MAP1LC3B2: variants seen among roughly 807,000 people sequenced by gnomAD.
The protein encoded by MAP1LC3B2 is microtubule-associated protein 1 light chain 3 beta 2.
For synonymous variants in MAP1LC3B2, 62 were observed against 57.8 expected (o/e 1.07, Z -0.33); for missense variants, 155 against 154.6 (o/e 1.00, Z -0.01).
At chr12:116,573,177 A>G (rs1869583400) in intron 1 of MAP1LC3B2, among the ~76,000 whole-genome samples, 1 of 152,082 alleles carries the variant, frequency 6.6e-6, no homozygotes, top group Admixed American at 6.5e-5. Flanking sequence ...TCCCACCTTG[A>G]CCTCTTAAAG....
At chr12:116,563,302 A>G (rs1336010783) in intron 1 of MAP1LC3B2, among the ~76,000 whole-genome samples, 1 of 149,326 alleles carries the variant, frequency 6.7e-6, no homozygotes, top group African/African-American at 2.5e-5. Flanking sequence ...TCTACCGGTA[A>G]TAAATTCTAC....
At chr12:116,574,619 C>A (rs1250632608) in intron 1 of MAP1LC3B2, among the ~76,000 whole-genome samples, 1 of 151,442 alleles carries the variant, frequency 6.6e-6, no homozygotes, top group African/African-American at 2.4e-5. Context: ...GTGCTCCAGC[C>A]TGGGGGACAG....
intron 1 of MAP1LC3B2, among the ~76,000 whole-genome samples, chr12:116,565,387 G>A (rs945653894): frequency 4.6e-5 from 7 of 152,324 alleles, no homozygotes; most frequent in Middle Eastern, 3.4e-3. Flanking sequence ...AATGAGAAAC[G>A]AAGCGAAACG....
chr12:116,567,052 G>A (rs1280388844), intron 1 of MAP1LC3B2, among the ~76,000 whole-genome samples: 1 of 147,414 alleles, frequency 6.8e-6, no homozygotes, highest in Non-Finnish European at 1.5e-5. Context: ...CGGAAAGGAA[G>A]AGAAGGGAGA....
At chr12:116,567,827 C>T (rs1212126073) in intron 1 of MAP1LC3B2, among the ~76,000 whole-genome samples, 1 of 151,868 alleles carries the variant, frequency 6.6e-6, no homozygotes, top group Non-Finnish European at 1.5e-5. Flanking sequence ...AAAATGGAAC[C>T]CAAAACACTT....
At chr12:116,572,817 C>T (rs1252274195) in intron 1 of MAP1LC3B2, among the ~76,000 whole-genome samples, 1 of 152,226 alleles carries the variant, frequency 6.6e-6, no homozygotes, top group Non-Finnish European at 1.5e-5. Context: ...CAATGGTTCT[C>T]AAACTAAGTT....
At chr12:116,561,718 C>T (rs1363576689) in intron 1 of MAP1LC3B2, among the ~76,000 whole-genome samples, 1 of 152,208 alleles carries the variant, frequency 6.6e-6, no homozygotes, top group Admixed American at 6.5e-5. Flanking sequence ...GCTGTGTGGC[C>T]TGGGGTAAGG....
intron 1 of MAP1LC3B2, among the ~76,000 whole-genome samples, chr12:116,566,616 T>TAAAAAAA (rs58530141): frequency 3.3e-5 from 3 of 91,640 alleles, no homozygotes; most frequent in Non-Finnish European, 4.1e-5. Flanking sequence ...AGTCAGTGAT[T>TAAAAAAA]AAAAAAAAAA....
intron 1 of MAP1LC3B2, among the ~76,000 whole-genome samples, chr12:116,561,007 C>T (rs908887714): frequency 4.6e-5 from 7 of 152,206 alleles, no homozygotes; most frequent in African/African-American, 1.4e-4. Context: ...GTCCCCGCTA[C>T]TTGGGAGGCT....
intron 1 of MAP1LC3B2, among the ~76,000 whole-genome samples, chr12:116,562,801 C>T (rs1305285199): frequency 1.3e-5 from 2 of 152,134 alleles, no homozygotes; most frequent in African/African-American, 4.8e-5. Flanking sequence ...GATTGTAAAA[C>T]ACCTAGAAAG....
chr12:116,572,328 C>A (rs1869557522), intron 1 of MAP1LC3B2, among the ~76,000 whole-genome samples: 1 of 151,574 alleles, frequency 6.6e-6, no homozygotes, highest in South Asian at 2.1e-4. Flanking sequence ...TCAAAAGAAT[C>A]AAAACGTATC....
Position 116,576,152 on chromosome 12 carries a change from C to G in MAP1LC3B2, c.210C>G (p.Arg70=). The change falls in exon 2 of 2, where the codon CGC becomes CGG. Residue 70 remains arginine, a synonymous_variant. Transcript: ENST00000556529. ...MSELIKIIRR[R]LQLNANQAFF... is the part of the protein sequence containing the mutation. ...AGCTCATCAAGATAATTAGAAGGCG[C>G]TTACAGCTCAATGCTAATCAGGCCT... The G allele has an allele frequency of 6.2e-7, 1 of 1,614,154 alleles. No homozygotes were observed. The highest frequency in any genetic ancestry group is 2.2e-5 in the East Asian group (1 of 44,882).
chr12:116,571,458 C>CTTTTTT (rs71095564), intron 1 of MAP1LC3B2, among the ~76,000 whole-genome samples: 509 of 48,108 alleles, frequency 0.011, 110 homozygotes, highest in East Asian at 0.036. Flanking sequence ...GACTGCTGTT[C>CTTTTTT]TTTTTTTTTT....
chr12:116,564,143 T>C (rs911559669), intron 1 of MAP1LC3B2, among the ~76,000 whole-genome samples: 4 of 152,236 alleles, frequency 2.6e-5, no homozygotes, highest in African/African-American at 9.6e-5. Flanking sequence ...TCTTTAGATC[T>C]ATGAACATAT....
chr12:116,564,732 C>A (rs1356772033), intron 1 of MAP1LC3B2, among the ~76,000 whole-genome samples: 1 of 152,142 alleles, frequency 6.6e-6, no homozygotes, highest in Non-Finnish European at 1.5e-5. Flanking sequence ...CATATAACAC[C>A]ATCTTGCCTG....
At chr12:116,562,631 A>C (rs1433466446) in intron 1 of MAP1LC3B2, among the ~76,000 whole-genome samples, 1 of 152,220 alleles carries the variant, frequency 6.6e-6, no homozygotes, top group East Asian at 1.9e-4. Flanking sequence ...GGTATTTTTT[A>C]AACTTTCAAA....
Position 116,576,124 on chromosome 12 carries a change from G to C in MAP1LC3B2, c.182G>C (p.Ser61Thr), listed in dbSNP as rs376199451. Residue 61 changes from serine (S) to threonine (T), a missense_variant, in exon 2 of 2, where the codon AGT becomes ACT. Physicochemically the swap from Ser to Thr is moderately conservative, Grantham distance 58. Coordinates refer to ENST00000556529, the MANE Select transcript of MAP1LC3B2 (RefSeq NM_001085481.3). ...KFLVPDHVNMSELIKIIRRRL... is the reference protein window; with the variant it reads ...KFLVPDHVNMTELIKIIRRRL... ...CTTGTACCTGACCATGTCAACATGA[G>C]TGAGCTCATCAAGATAATTAGAAGG... The C allele has an allele frequency of 1.2e-5, 19 of 1,614,074 alleles. No individual in the cohort carries two copies. In the African/African-American group the frequency reaches 2.5e-4, roughly 22 times the overall value.
chr12:116,567,846 A>C (rs997495836), intron 1 of MAP1LC3B2, among the ~76,000 whole-genome samples: 1 of 152,082 alleles, frequency 6.6e-6, no homozygotes, highest in African/African-American at 2.4e-5. Flanking sequence ...TTAGAGGAGG[A>C]ATGACAGACT....
At chr12:116,562,098 C>T (rs1869287159) in intron 1 of MAP1LC3B2, among the ~76,000 whole-genome samples, 1 of 152,102 alleles carries the variant, frequency 6.6e-6, no homozygotes, top group Non-Finnish European at 1.5e-5. Context: ...TGCCGAAACT[C>T]GTAGGGAAAA....
Sources: allele counts gnomAD v4.1 joint callset (sites outside exome capture counted in the v4.1 genomes callset), GRCh38; gene constraint gnomAD v4.1.1; transcripts MANE v1.5; gene names NCBI Gene and HGNC (gene_info 2026-07-23, HGNC 2026-07-21).